CGN: variants seen among roughly 807,000 people sequenced by gnomAD.
CGN encodes cingulin.
In CGN, 121 loss-of-function variants were observed where a neutral mutation model predicts 157.1. That is an observed-to-expected ratio of 0.77 (90% CI 0.66 to 0.90). The LOEUF is 0.90. CGN is among the 40% of genes least tolerant of loss of function. The pLI is 0.00. For synonymous variants in CGN, 535 were observed against 607.5 expected, an observed-to-expected ratio of 0.88 and a Z score of 1.76; for missense variants, 1,424 against 1,520.9, an observed-to-expected ratio of 0.94 and a Z score of 1.06.
chr1:151,521,340 G>A (rs1033810545), intron 5 of CGN, among the ~76,000 whole-genome samples: 6 of 152,212 alleles, frequency 3.9e-5, no homozygotes, highest in African/African-American at 1.4e-4. Flanking sequence ...GGAAATCACT[G>A]TAGTGTAATG....
At position 151,537,274 on chromosome 1, in the gene CGN, C is replaced by G. The variant is rs749801628; in HGVS notation, c.3540C>G (p.Phe1180Leu). The stretch of plus-strand genomic sequence containing the variant: ...AAGGGCTGAGCTCAGATGAGGAATT[C>G]GACAGTGTCTACGATCCCTCGTCCA... ...KNEGLSSDEE[F>L]DSVYDPSSIA... Residue 1180 changes from phenylalanine to leucine, a missense_variant, in exon 21 of 21, where the codon TTC (phenylalanine) becomes TTG (leucine). Physicochemically the swap from Phe to Leu is conservative, Grantham distance 22. Transcript: ENST00000271636. 5 of 1,613,750 alleles carry G rather than the reference C, an allele frequency of 3.1e-6. No individual in the cohort carries two copies. Among genetic ancestry groups the G allele is most frequent in the Non-Finnish European group, 3.4e-6 (4 of 1,179,818 alleles).
chr1:151,519,297 C>T lies in CGN; in HGVS notation c.778C>T (p.Leu260Phe). The change falls in exon 2 of 21, where the codon CTC becomes TTC. Residue 260 changes from leucine to phenylalanine, a missense_variant. Coordinates refer to ENST00000271636, the MANE Select transcript of CGN (RefSeq NM_020770.3). ...QPAQSQNLSP[L>F]SGFSRSRQTQ... is the part of the protein sequence containing the mutation. Reference sequence around the variant, plus strand: ...AGCCCAGAGCCAGAACCTGAGTCCTCTCAGTGGCTTTAGCCGTTCTCGTCA... The same window carrying T: ...AGCCCAGAGCCAGAACCTGAGTCCTTTCAGTGGCTTTAGCCGTTCTCGTCA... 6.2e-7 allele frequency: 1 copy of T among 1,613,694 alleles called. No individual in the cohort carries two copies. The highest frequency in any genetic ancestry group is 8.5e-7 in the Non-Finnish European group (1 of 1,180,034).
At chr1:151,536,438 G>A in intron 19 of CGN, 93 bp downstream of exon 19, 3 of 731,340 alleles carry the variant, frequency 4.1e-6, no homozygotes, top group East Asian at 2.6e-5. Context: ...TCTCCTATAG[G>A]TCCTCCAAAC....
intron 9 of CGN, 85 bp from the exon 10 acceptor site, chr1:151,526,890 T>C: frequency 2.0e-6 from 3 of 1,523,408 alleles, no homozygotes; most frequent in Non-Finnish European, 2.7e-6. Flanking sequence ...TCCAGAGAGG[T>C]GGCTTTTATT....
chr1:151,519,002 G>A lies in CGN; in HGVS notation c.483G>A (p.Pro161=), dbSNP rs770868795. 4.3e-6 allele frequency: 7 copies of A among 1,614,044 alleles called. No homozygotes were observed. Among genetic ancestry groups the A allele is most frequent in the East Asian group, 2.2e-5 (1 of 44,886 alleles). ...GCAACAGCATGCTGGAGCTAGCCCC[G>A]AAAGTGGCTTCCCCAGGTAGCACCA... is the stretch of plus-strand genomic sequence containing the variant. ...NRSNSMLELA[P]KVASPGSTID... is the part of the protein sequence containing the mutation. Residue 161 remains proline (P), a synonymous_variant, in exon 2 of 21, where the codon CCG becomes CCA. Transcript: ENST00000271636.
At chr1:151,529,268 T>C in intron 10 of CGN, 82 bp from the exon 11 acceptor site, 1 of 1,185,924 alleles carries the variant, frequency 8.4e-7, no homozygotes, top group Non-Finnish European at 1.2e-6. Flanking sequence ...CCCTTGGCAG[T>C]GTATGAGAGT....
In CGN at chr1:151,520,614, A is replaced by C; in HGVS notation, c.1063A>C (p.Thr355Pro). The change falls in exon 5 of 21, where the codon ACT (threonine) becomes CCT (proline). Residue 355 changes from threonine to proline, a missense_variant. By Grantham distance (38) the Thr-to-Pro change is conservative (BLOSUM62 -1). This residue lies in a region of CGN where 1,187 missense variants were observed against 1,217.6 expected (regional missense o/e 0.97). Coordinates refer to ENST00000271636, the MANE Select transcript of CGN (RefSeq NM_020770.3). ...CTGGCAGATGGTTTCTTCTGGTTCT[A>C]CTAAGGCCGTGGCAGGGCAGGGTGA... Reference protein sequence around the residue: ...QPLVMVSSGSTKAVAGQGELT... With the variant: ...QPLVMVSSGSPKAVAGQGELT... 1 of 1,614,182 alleles carries C rather than the reference A, an allele frequency of 6.2e-7. No homozygotes were observed. Among genetic ancestry groups the C allele is most frequent in the Non-Finnish European group, 8.5e-7 (1 of 1,180,022 alleles).
In CGN at chr1:151,519,376, AC is replaced by A; in HGVS notation, c.861del (p.Thr288ProfsTer27). The A allele has an allele frequency of 6.3e-7, 1 of 1,595,182 alleles. No individual in the cohort carries two copies. The highest frequency in any genetic ancestry group is 8.5e-7 in the Non-Finnish European group (1 of 1,176,902). On this transcript the variant is annotated frameshift_variant, in exon 2 of 21. Coordinates refer to ENST00000271636, the MANE Select transcript of CGN (RefSeq NM_020770.3). LOFTEE classifies it high-confidence loss of function. ...SFEEPRRSAQ[D>X]PTMLQFKSTP... is the part of the protein sequence containing the mutation. ...GAGGAGCCGCGGAGGAGTGCACAGG[AC>A]CCCACCATGCTGCAGGTCAGACCCA...
At chr1:151,533,243 T>C (rs1235051824) in intron 14 of CGN, among the ~76,000 whole-genome samples, 1 of 152,172 alleles carries the variant, frequency 6.6e-6, no homozygotes, top group Non-Finnish European at 1.5e-5. Context: ...GTTGGGAGGC[T>C]GAGGCGGGCA....
chr1:151,512,718 C>T (rs1664328030), intron 1 of CGN, among the ~76,000 whole-genome samples: 2 of 152,300 alleles, frequency 1.3e-5, no homozygotes, highest in East Asian at 1.9e-4. Flanking sequence ...AATTAGCAAC[C>T]GCTATGTTTG....
chr1:151,529,701 A>AGG (rs1664785542), intron 11 of CGN, 142 bp downstream of exon 11: 1 of 871,806 alleles, frequency 1.1e-6, no homozygotes, highest in Non-Finnish European at 1.8e-6. Context: ...CAAAGAAGCC[A>AGG]GGATTTGGCA....
chr1:151,534,382 A>G lies in CGN; in HGVS notation c.2904+246A>G, dbSNP rs1664911325. 5 of 498,318 alleles carry G rather than the reference A, an allele frequency of 1.0e-5. No homozygotes were observed. In the East Asian group the frequency reaches 2.0e-4, roughly 20 times the overall value. 30.9% of individuals were successfully genotyped at this position (498,318 alleles called of 1,614,324 possible). ...TGTCTTGTCCTGAGTCTGCATGGCA[A>G]CAGTTGGCTGGAGCTGAGCAGTGGG... On this transcript the variant is annotated intron_variant, in intron 15 of 20. Transcript: ENST00000271636.
At chr1:151,526,603 A>G (rs552598984) in intron 9 of CGN, among the ~76,000 whole-genome samples, 1 of 151,834 alleles carries the variant, frequency 6.6e-6, no homozygotes, top group East Asian at 1.9e-4. Flanking sequence ...CCTCCCGAAT[A>G]GGTGGGACTA....
intron 9 of CGN, 105 bp from the exon 10 acceptor site, chr1:151,526,870 C>A: frequency 1.6e-6 from 2 of 1,273,352 alleles, no homozygotes; most frequent in Non-Finnish European, 2.2e-6. Context: ...TGGTGCCCAG[C>A]GTGTTGGCCT....
rs1665009957 is a variant in CGN, at chr1:151,538,074, T to C, written c.*728T>C. 6.5e-6 allele frequency: 1 copy of C among 152,734 alleles called. No individual in the cohort carries two copies. The highest frequency in any genetic ancestry group is 2.1e-4 in the South Asian group (1 of 4,830). The allele number at this position is 152,734 out of a possible 1,614,324, so 9.5% of individuals were successfully genotyped here. ...CCTTCCCTGCTGCCCCAGTGATTGA[T>C]TGAGAGAGCTGTTGGGGTTTCTCTG... On this transcript the variant is annotated 3_prime_UTR_variant, in exon 21 of 21. Coordinates refer to ENST00000271636, the MANE Select transcript of CGN (RefSeq NM_020770.3).
At position 151,511,681 on chromosome 1, in the gene CGN, A is replaced by G. The variant is rs1664298598; in HGVS notation, c.-15+166A>G. ...TTGGGGCGGGGTGGGGTACTGATTA[A>G]GAGCCGACCCCTACCCTGAGGTGCC... On this transcript the variant is annotated intron_variant, in intron 1 of 20. Transcript: ENST00000271636. The surrounding 1 kb of genome is among the most constrained non-coding windows in gnomAD (Gnocchi z 4.8). 6.6e-6 allele frequency among the ~76,000 whole-genome samples: 1 copy of G among 152,150 alleles called. No homozygotes were observed. Among genetic ancestry groups the G allele is most frequent in the South Asian group, 2.1e-4 (1 of 4,830 alleles).
rs766013262 is a variant in CGN, at chr1:151,520,624, T to A, written c.1073T>A (p.Val358Glu). The change falls in exon 5 of 21, where the codon GTG (valine) becomes GAG (glutamate). Residue 358 changes from valine (V) to glutamate (E), a missense_variant. By Grantham distance (121) the Val-to-Glu change is moderately radical. Transcript: ENST00000271636. ...VMVSSGSTKA[V>E]AGQGELTRKV... ...GTTTCTTCTGGTTCTACTAAGGCCG[T>A]GGCAGGGCAGGGTGAGCTTACCCGA... is the stretch of plus-strand genomic sequence containing the variant. The A allele has an allele frequency of 2.5e-6, 4 of 1,614,164 alleles. No homozygotes were observed. The highest frequency in any genetic ancestry group is 3.4e-6 in the Non-Finnish European group (4 of 1,180,026).
Position 151,519,380 on chromosome 1 carries a change from C to T in CGN, c.861C>T (p.Pro287=), listed in dbSNP as rs1350628346. Residue 287 remains proline (P), a synonymous_variant, in exon 2 of 21, where the codon CCC becomes CCT. Transcript: ENST00000271636. ...AGCCGCGGAGGAGTGCACAGGACCC[C>T]ACCATGCTGCAGGTCAGACCCAGCC... ...FEEPRRSAQD[P]TMLQFKSTPD... is the part of the protein sequence containing the mutation. 6.3e-7 allele frequency: 1 copy of T among 1,592,112 alleles called. No individual in the cohort carries two copies. Among genetic ancestry groups the T allele is most frequent in the Middle Eastern group, 1.8e-4 (1 of 5,606 alleles).
intron 10 of CGN, among the ~76,000 whole-genome samples, chr1:151,528,464 C>A (rs1365771478): frequency 6.6e-6 from 1 of 150,702 alleles, no homozygotes; most frequent in South Asian, 2.1e-4. Context: ...GCTACCCAAG[C>A]TGGAGTGCAG....
Sources: gnomAD v4.1 joint callset for allele counts (sites outside exome capture counted in the v4.1 genomes callset) on GRCh38, gnomAD v4.1.1 for gene constraint, gnomAD v4.1.1 regional missense constraint, Gnocchi (gnomAD v3.1) non-coding constraint, MANE v1.5 for transcripts, NCBI Gene and HGNC (gene_info 2026-07-23, HGNC 2026-07-21) for gene names.